DNAI4: variants seen among roughly 807,000 people sequenced by gnomAD.
DNAI4 encodes dynein axonemal intermediate chain 4.
A neutral mutation model predicts 105.8 loss-of-function variants in DNAI4; 85 were observed. The observed-to-expected ratio is 0.80, with a 90% CI of 0.67 to 0.96. The LOEUF is 0.96. DNAI4 is among the 40% of genes least tolerant of loss of function. The pLI, the probability that DNAI4 is intolerant of heterozygous loss-of-function variation, is 0.00. For missense variants in DNAI4, 1,014 were observed against 1,005.6 expected, an observed-to-expected ratio of 1.01 and a Z score of -0.11; for synonymous variants, 352 against 331.5, an observed-to-expected ratio of 1.06 and a Z score of -0.67.
intron 7 of DNAI4, among the ~76,000 whole-genome samples, chr1:66,857,362 G>A (rs896343879): frequency 2.7e-5 from 4 of 149,966 alleles, no homozygotes; most frequent in Non-Finnish European, 4.4e-5. Flanking sequence ...GGGAGGGATA[G>A]TATTAGGAGA....
At chr1:66,877,028 C>T (rs913277194) in intron 4 of DNAI4, among the ~76,000 whole-genome samples, 3 of 152,028 alleles carry the variant, frequency 2.0e-5, no homozygotes, top group Admixed American at 2.0e-4. Context: ...ATTTTGGCTC[C>T]AATTCATCAT....
At chr1:66,914,356 C>T (rs1275285173) in intron 1 of DNAI4, among the ~76,000 whole-genome samples, 4 of 152,028 alleles carry the variant, frequency 2.6e-5, no homozygotes, top group Non-Finnish European at 5.9e-5. Context: ...TCTGCTGTTA[C>T]TTTTCTGTTA....
At chr1:66,820,061 T>C (rs927220338) in intron 16 of DNAI4, among the ~76,000 whole-genome samples, 2 of 152,220 alleles carry the variant, frequency 1.3e-5, no homozygotes, top group African/African-American at 4.8e-5. Flanking sequence ...TAATTTCTTT[T>C]GGTCATTGAG....
At chr1:66,846,002 A>G (rs1646267809) in intron 8 of DNAI4, among the ~76,000 whole-genome samples, 1 of 152,190 alleles carries the variant, frequency 6.6e-6, no homozygotes. Context: ...ATACAATTTA[A>G]AATATATATT....
Position 66,869,073 on chromosome 1 carries a change from AAAAT to A in DNAI4, c.940+2293_940+2296del, listed in dbSNP as rs547848121. ...TGGCGACAGAGTGAGACTCTGTCTC[AAAAT>A]AAATAAATAAATAAATAAATAAATA... On this transcript the variant is annotated intron_variant, in intron 6 of 16. Transcript: ENST00000371026. Among the ~76,000 whole-genome samples the A allele has an allele frequency of 7.9e-3, 1,170 of 148,718 alleles. 15 individuals carry two copies. The highest frequency in any genetic ancestry group is 0.028 in the African/African-American group (1,105 of 39,500).
At chr1:66,860,369 T>G (rs1250428684) in intron 7 of DNAI4, among the ~76,000 whole-genome samples, 2 of 152,158 alleles carry the variant, frequency 1.3e-5, no homozygotes, top group South Asian at 2.1e-4. Flanking sequence ...TATTTAACTT[T>G]TTTTTCCTTT....
chr1:66,901,291 G>GT (rs1648799850), intron 2 of DNAI4, among the ~76,000 whole-genome samples: 2 of 151,762 alleles, frequency 1.3e-5, no homozygotes, highest in Non-Finnish European at 2.9e-5. Context: ...AGTTGGAAGG[G>GT]TAAGTTATTT....
chr1:66,886,251 C>A (rs1647197214), intron 4 of DNAI4, among the ~76,000 whole-genome samples: 1 of 152,178 alleles, frequency 6.6e-6, no homozygotes, highest in South Asian at 2.1e-4. Context: ...TATACTTTCT[C>A]CATTAGATCT....
intron 2 of DNAI4, among the ~76,000 whole-genome samples, chr1:66,902,895 A>C (rs1164202310): frequency 6.6e-6 from 1 of 152,216 alleles, no homozygotes; most frequent in Admixed American, 6.5e-5. Flanking sequence ...CCATTGGTCT[A>C]TACCGTATGT....
chr1:66,841,486 T>C (rs1646147022), intron 8 of DNAI4, among the ~76,000 whole-genome samples: 1 of 152,220 alleles, frequency 6.6e-6, no homozygotes, highest in African/African-American at 2.4e-5. Flanking sequence ...AAGTTTATAA[T>C]AATAATCCAC....
chr1:66,864,649 A>AGAC (rs1227894247), intron 6 of DNAI4, among the ~76,000 whole-genome samples: 4 of 152,162 alleles, frequency 2.6e-5, no homozygotes, highest in African/African-American at 9.7e-5. Flanking sequence ...CAAGAGATCG[A>AGAC]GACCATCCTG....
Position 66,880,370 on chromosome 1 carries a change from T to C in DNAI4, c.644-5433A>G, listed in dbSNP as rs181255128. Among the ~76,000 whole-genome samples the C allele has an allele frequency of 1.3e-4, 20 of 152,314 alleles. 1 individual carries two copies. In the East Asian group the frequency reaches 3.9e-3, roughly 29 times the overall value. ...GAAGACAGGAAAATGTGGGAAAGTT[T>C]GGAACTCCCTAGAGACTTTTTGCAT... On this transcript the variant is annotated intron_variant, in intron 4 of 16. Transcript: ENST00000371026.
chr1:66,825,379 C>T (rs1387576799), intron 15 of DNAI4, among the ~76,000 whole-genome samples: 1 of 151,548 alleles, frequency 6.6e-6, no homozygotes, highest in East Asian at 1.9e-4. Context: ...GACGGGGTTT[C>T]ACCTTGTTAG....
chr1:66,882,016 A>G (rs1384158192), intron 4 of DNAI4, among the ~76,000 whole-genome samples: 1 of 152,210 alleles, frequency 6.6e-6, no homozygotes, highest in Non-Finnish European at 1.5e-5. Context: ...GCGTGCTGCC[A>G]TCCATGTGAG....
chr1:66,847,770 A>G lies in DNAI4; in HGVS notation c.1097-92T>C. On this transcript the variant is annotated intron_variant, in intron 7 of 16. Coordinates refer to ENST00000371026, the MANE Select transcript of DNAI4 (RefSeq NM_024763.5). ...TTAAAAATGACATTTCATCATTTGT[A>G]TTTATTTTCCTCCAGTTTCCAACAA... The G allele has an allele frequency of 3.7e-6, 4 of 1,081,522 alleles. No individual in the cohort carries two copies. The South Asian group carries it at 6.9e-5, about 19-fold the overall frequency. The allele number at this position is 1,081,522 out of a possible 1,614,324, so 67.0% of individuals were successfully genotyped here.
intron 16 of DNAI4, among the ~76,000 whole-genome samples, chr1:66,816,226 C>T (rs1278397055): frequency 6.6e-6 from 1 of 151,890 alleles, no homozygotes; most frequent in Non-Finnish European, 1.5e-5. Context: ...TAACCAGAGT[C>T]CTGAAAGGCA....
intron 7 of DNAI4, among the ~76,000 whole-genome samples, chr1:66,861,738 TC>T (rs2100604315): frequency 6.6e-6 from 1 of 152,202 alleles, no homozygotes; most frequent in South Asian, 2.1e-4. Flanking sequence ...CATCCAAATG[TC>T]CCCAGGGGAA....
At chr1:66,914,768 A>G (rs1403015641) in intron 1 of DNAI4, among the ~76,000 whole-genome samples, 1 of 152,192 alleles carries the variant, frequency 6.6e-6, no homozygotes, top group Non-Finnish European at 1.5e-5. Flanking sequence ...TGCATGCCTA[A>G]TATGTCTATG....
chr1:66,826,192 C>T (rs1391681497), intron 15 of DNAI4, among the ~76,000 whole-genome samples: 12 of 152,080 alleles, frequency 7.9e-5, no homozygotes, highest in Non-Finnish European at 1.8e-4. Flanking sequence ...TGTAAAAATG[C>T]CTGTGTATGT....
Sources: gnomAD v4.1 joint callset for allele counts (sites outside exome capture counted in the v4.1 genomes callset) on GRCh38, gnomAD v4.1.1 for gene constraint, MANE v1.5 for transcripts, NCBI Gene and HGNC (gene_info 2026-07-23, HGNC 2026-07-21) for gene names.